ADCY8: variants seen among roughly 807,000 people sequenced by gnomAD.
ADCY8 encodes adenylate cyclase 8.
In ADCY8, 51 loss-of-function variants were observed where a neutral mutation model predicts 119.7. The ratio of observed to expected loss-of-function variants is 0.43; its 90% CI spans 0.34 to 0.54. ADCY8 has a LOEUF of 0.54. Ranked by LOEUF, ADCY8 falls within the 20% of genes least tolerant of loss-of-function variation. The probability of loss-of-function intolerance (pLI) is 0.03; values close to 1 mark genes in which losing one functional copy is unlikely to be tolerated. For synonymous variants in ADCY8, 665 were observed against 651.0 expected (o/e 1.02, Z -0.33); for missense variants, 1,383 against 1,598.8 (o/e 0.87, Z 2.30).
intron 1 of ADCY8, among the ~76,000 whole-genome samples, chr8:130,994,325 A>C (rs191835242): frequency 1.3e-5 from 2 of 152,330 alleles, no homozygotes; most frequent in East Asian, 3.9e-4. Flanking sequence ...TCTCTGGGGC[A>C]TTCTTTCTAT....
At chr8:130,869,530 T>TC (rs1563702700) in intron 8 of ADCY8, among the ~76,000 whole-genome samples, 2 of 150,848 alleles carry the variant, frequency 1.3e-5, no homozygotes, top group African/African-American at 4.9e-5. Flanking sequence ...TTTTTTGTTT[T>TC]TTTTTGAGAC....
intron 8 of ADCY8, among the ~76,000 whole-genome samples, chr8:130,880,377 C>T (rs1818725209): frequency 6.6e-6 from 1 of 152,146 alleles, no homozygotes. Flanking sequence ...GGTGAAAATG[C>T]ATTCTTCTTT....
intron 3 of ADCY8, among the ~76,000 whole-genome samples, chr8:130,947,986 C>T (rs994718151): frequency 2.6e-5 from 4 of 152,082 alleles, no homozygotes; most frequent in Admixed American, 2.6e-4. Context: ...CTAATGGAAT[C>T]TGAACAGAAA....
intron 13 of ADCY8, among the ~76,000 whole-genome samples, chr8:130,817,460 T>A (rs925184370): frequency 6.6e-6 from 1 of 152,196 alleles, no homozygotes. Flanking sequence ...AAATTTTAGG[T>A]ACTTTTAATT....
intron 9 of ADCY8, among the ~76,000 whole-genome samples, chr8:130,858,385 G>A (rs570451369): frequency 6.6e-6 from 1 of 152,222 alleles, no homozygotes; most frequent in Admixed American, 6.5e-5. Context: ...ACTTTGACAG[G>A]TTTGAGGAAT....
At chr8:130,973,545 C>G (rs1821985644) in intron 2 of ADCY8, among the ~76,000 whole-genome samples, 1 of 152,196 alleles carries the variant, frequency 6.6e-6, no homozygotes, top group African/African-American at 2.4e-5. Context: ...ATCCAGCAGC[C>G]AGAGTCAGCA....
At chr8:130,956,445 C>T (rs1462504811) in intron 2 of ADCY8, among the ~76,000 whole-genome samples, 1 of 152,226 alleles carries the variant, frequency 6.6e-6, no homozygotes, top group Non-Finnish European at 1.5e-5. Context: ...TCCTACTCAT[C>T]TTCAAATTTG....
chr8:131,003,156 C>T (rs749450998), intron 1 of ADCY8, among the ~76,000 whole-genome samples: 15 of 150,698 alleles, frequency 1.0e-4, no homozygotes, highest in Non-Finnish European at 1.6e-4. Context: ...AGCTAGTGAG[C>T]TGAGATCGCA....
chr8:130,953,428 A>G (rs544390594), intron 2 of ADCY8, among the ~76,000 whole-genome samples: 1 of 152,292 alleles, frequency 6.6e-6, no homozygotes, highest in South Asian at 2.1e-4. Flanking sequence ...AGAAATAATC[A>G]TTTTCATATA....
intron 7 of ADCY8, among the ~76,000 whole-genome samples, chr8:130,890,775 C>T (rs908949402): frequency 2.6e-5 from 4 of 152,168 alleles, no homozygotes; most frequent in Admixed American, 2.6e-4. Flanking sequence ...AGCACCTGGG[C>T]TAACTTCAGT....
At chr8:130,954,052 G>T (rs536052312) in intron 2 of ADCY8, among the ~76,000 whole-genome samples, 1 of 152,322 alleles carries the variant, frequency 6.6e-6, no homozygotes, top group South Asian at 2.1e-4. Flanking sequence ...AATGGCTGGG[G>T]ATGTTTAATT....
At chr8:130,975,042 C>T (rs80332893) in intron 2 of ADCY8, among the ~76,000 whole-genome samples, 1,835 of 152,266 alleles carry the variant, frequency 0.012, 46 homozygotes, top group African/African-American at 0.042. Context: ...TCACCAGGTT[C>T]AGAAGAGAAG....
chr8:130,806,178 C>G (rs144674861), intron 14 of ADCY8, among the ~76,000 whole-genome samples: 1 of 152,316 alleles, frequency 6.6e-6, no homozygotes, highest in East Asian at 1.9e-4. Flanking sequence ...ACAGGTCCCT[C>G]AGCAGTTGAT....
At chr8:130,901,851 A>G (rs1462998815) in intron 7 of ADCY8, among the ~76,000 whole-genome samples, 1 of 152,214 alleles carries the variant, frequency 6.6e-6, no homozygotes, top group African/African-American at 2.4e-5. Flanking sequence ...AAAAAAATAC[A>G]CGGTATGGTT....
chr8:131,010,110 T>C (rs1297426296), intron 1 of ADCY8, among the ~76,000 whole-genome samples: 9 of 152,198 alleles, frequency 5.9e-5, no homozygotes, highest in Non-Finnish European at 5.9e-5. Flanking sequence ...ATATTTACAA[T>C]GGAGCTGAGA....
intron 5 of ADCY8, among the ~76,000 whole-genome samples, chr8:130,914,231 C>T (rs1820062378): frequency 6.6e-6 from 1 of 152,114 alleles, no homozygotes; most frequent in Admixed American, 6.5e-5. Flanking sequence ...TAAAATAAGG[C>T]ACTACCTGAT....
intron 12 of ADCY8, among the ~76,000 whole-genome samples, chr8:130,823,105 GA>G (rs141760455): frequency 0.045 from 6,901 of 152,268 alleles, 171 homozygotes; most frequent in Middle Eastern, 0.12. Flanking sequence ...TTGCCATACA[GA>G]AGACTTTAAG....
At chr8:130,846,544 CTTCATTCCTTCA>C (rs1391670223) in intron 11 of ADCY8, among the ~76,000 whole-genome samples, 15 of 126,144 alleles carry the variant, frequency 1.2e-4, no homozygotes, top group African/African-American at 4.1e-4. Flanking sequence ...TCCTTCCTTC[CTTCATTCCTTCA>C]TTCCTTCCTT....
intron 1 of ADCY8, among the ~76,000 whole-genome samples, chr8:131,019,502 C>T (rs1172844153): frequency 6.6e-6 from 1 of 152,124 alleles, no homozygotes; most frequent in Non-Finnish European, 1.5e-5. Flanking sequence ...CAATTTTTAG[C>T]CTTACCTAGG....
Sources: allele counts gnomAD v4.1 joint callset (sites outside exome capture counted in the v4.1 genomes callset), GRCh38; gene constraint gnomAD v4.1.1; transcripts MANE v1.5; gene names NCBI Gene and HGNC (gene_info 2026-07-23, HGNC 2026-07-21).